Variants in PCDHA7 observed in about 807,000 individuals in gnomAD.
PCDHA7 encodes the protein protocadherin alpha-7.
In PCDHA7, 37 loss-of-function variants were observed where a neutral mutation model predicts 57.2. The ratio of observed to expected loss-of-function variants is 0.65; its 90% CI spans 0.50 to 0.85. The LOEUF (loss-of-function observed/expected upper bound fraction) is 0.85. Ranked by LOEUF, PCDHA7 falls within the 40% of genes least tolerant of loss-of-function variation. PCDHA7 has a pLI of 0.00. For synonymous variants in PCDHA7, 553 were observed against 558.8 expected, an observed-to-expected ratio of 0.99 and a Z score of 0.15; for missense variants, 1,188 against 1,241.8, an observed-to-expected ratio of 0.96 and a Z score of 0.65.
intron 1 of PCDHA7, chr5:140,927,386 C>T: frequency 6.2e-7 from 1 of 1,614,106 alleles, no homozygotes; most frequent in African/African-American, 1.3e-5. Flanking sequence ...AGCCTAAGCC[C>T]CAGTCAGCAC....
chr5:140,966,792 C>A (rs1182470326), intron 1 of PCDHA7: 3 of 1,530,564 alleles, frequency 2.0e-6, no homozygotes, highest in Admixed American at 1.9e-5. Context: ...ACCAGACCTG[C>A]GGCGACAGAG....
rs2150435821 is a variant in PCDHA7 at position 140,849,360 on chromosome 5, A to G, written c.2355+12622A>G. ...CTTCTCCAGTGATGTTTCTCCAGAT[A>G]TAAAATCCAAGTTCCACATGGACCC... On this transcript the variant is annotated intron_variant, in intron 1 of 3. Transcript: ENST00000525929. The G allele has an allele frequency of 6.8e-6, 10 of 1,467,526 alleles. No homozygotes were observed. In the African/African-American group the frequency reaches 1.1e-4, roughly 16 times the overall value. The allele number at this position is 1,467,526 out of a possible 1,614,324, so 90.9% of individuals were successfully genotyped here. A position where few individuals can be genotyped will look rare whatever the true frequency, so the allele number is the denominator to read the frequency against.
chr5:140,919,038 C>A (rs2078983263), intron 1 of PCDHA7, among the ~76,000 whole-genome samples: 1 of 152,046 alleles, frequency 6.6e-6, no homozygotes, highest in Non-Finnish European at 1.5e-5. Context: ...TAGTTGTTGT[C>A]CATTATTGGA....
chr5:140,865,532 C>T (rs1340228056), intron 1 of PCDHA7: 1 of 152,096 alleles, frequency 6.6e-6, no homozygotes, highest in Non-Finnish European at 1.5e-5. Context: ...TTCTCTTCAT[C>T]CATAGCTATA....
intron 1 of PCDHA7, chr5:140,883,321 C>T: frequency 6.2e-7 from 1 of 1,614,120 alleles, no homozygotes; most frequent in South Asian, 1.1e-5. Flanking sequence ...CAGAGGTTAC[C>T]ATCACTTCTT....
chr5:140,928,854 G>A (rs2085594573), intron 1 of PCDHA7: 1 of 1,614,178 alleles, frequency 6.2e-7, no homozygotes, highest in Non-Finnish European at 8.5e-7. Context: ...CTCTGGGTGT[G>A]CTGTTGAGCA....
At chr5:141,005,822 C>T (rs1248291613) in intron 3 of PCDHA7, among the ~76,000 whole-genome samples, 2 of 151,298 alleles carry the variant, frequency 1.3e-5, no homozygotes, top group Non-Finnish European at 2.9e-5. Context: ...GTATGGTGGC[C>T]TGTAGTCCCA....
intron 1 of PCDHA7, among the ~76,000 whole-genome samples, chr5:140,937,911 CA>C (rs200797202): frequency 0.5 from 59,181 of 117,836 alleles, 12,230 homozygotes; most frequent in African/African-American, 0.63. Flanking sequence ...GACTCCGTCT[CA>C]AAAAAAAAAA....
intron 1 of PCDHA7, among the ~76,000 whole-genome samples, chr5:140,945,540 CA>C (rs1330025999): frequency 1.3e-5 from 2 of 151,706 alleles, no homozygotes; most frequent in African/African-American, 2.4e-5. Flanking sequence ...AACATACAAA[CA>C]AAAAAATGAA....
intron 1 of PCDHA7, among the ~76,000 whole-genome samples, chr5:140,879,771 G>A (rs1413027496): frequency 6.6e-6 from 1 of 152,156 alleles, no homozygotes; most frequent in Admixed American, 6.5e-5. Flanking sequence ...GGAGGCCCCA[G>A]GGAAGAATCT....
chr5:140,911,915 G>A (rs553932242), intron 1 of PCDHA7, among the ~76,000 whole-genome samples: 3 of 152,226 alleles, frequency 2.0e-5, no homozygotes, highest in African/African-American at 7.2e-5. Flanking sequence ...CTCTCTAGAG[G>A]ACAGAACTAA....
At chr5:140,901,515 T>C (rs1323018473) in intron 1 of PCDHA7, among the ~76,000 whole-genome samples, 1 of 152,178 alleles carries the variant, frequency 6.6e-6, no homozygotes, top group Non-Finnish European at 1.5e-5. Context: ...ATTATAGATA[T>C]GTGGATTTGT....
At chr5:140,856,766 A>G in intron 1 of PCDHA7, 1 of 1,596,904 alleles carries the variant, frequency 6.3e-7, no homozygotes, top group South Asian at 1.1e-5. Flanking sequence ...TAACGCCCCT[A>G]TCTTTGACAG....
intron 1 of PCDHA7, among the ~76,000 whole-genome samples, chr5:140,844,268 C>G (rs1440274573): frequency 6.7e-6 from 1 of 149,334 alleles, no homozygotes; most frequent in Non-Finnish European, 1.5e-5. Context: ...TGATAAAATA[C>G]AGAATGATAG....
At chr5:140,981,077 G>C (rs1178580802) in intron 2 of PCDHA7, among the ~76,000 whole-genome samples, 1 of 152,168 alleles carries the variant, frequency 6.6e-6, no homozygotes, top group Non-Finnish European at 1.5e-5. Flanking sequence ...GGGAAGAATA[G>C]TAAAAGGTCA....
rs782163731 is a variant in PCDHA7, at chr5:140,869,573, C to A, written c.2355+32835C>A. 8 of 1,614,154 alleles carry A rather than the reference C, an allele frequency of 5.0e-6. No homozygotes were observed. In the East Asian group the frequency reaches 1.8e-4, roughly 36 times the overall value. ...GACTCGCGTTTTCCACTAGAGGGAG[C>A]TTCTGATGCTGACATTGAAGAGAAT... On this transcript the variant is annotated intron_variant, in intron 1 of 3. Coordinates refer to ENST00000525929, the MANE Select transcript of PCDHA7 (RefSeq NM_018910.3).
intron 1 of PCDHA7, chr5:140,928,062 C>G: frequency 6.2e-7 from 1 of 1,614,194 alleles, no homozygotes; most frequent in Non-Finnish European, 8.5e-7. Context: ...TGACGGCTTC[C>G]TTTGACAACT....
At chr5:140,867,685 T>C (rs2050105980) in intron 1 of PCDHA7, 1 of 152,116 alleles carries the variant, frequency 6.6e-6, no homozygotes, top group African/African-American at 2.4e-5. Context: ...TGTTGCATCT[T>C]CTTTTTTTCC....
At chr5:140,978,896 G>T in intron 1 of PCDHA7, 53 bp from the exon 2 acceptor site, 1 of 1,612,808 alleles carries the variant, frequency 6.2e-7, no homozygotes, top group South Asian at 1.1e-5. Context: ...CAGCATTCCT[G>T]GGAGAACATT....
Sources: allele counts gnomAD v4.1 joint callset (sites outside exome capture counted in the v4.1 genomes callset), GRCh38; gene constraint gnomAD v4.1.1; transcripts MANE v1.5; gene names NCBI Gene and HGNC (gene_info 2026-07-23, HGNC 2026-07-21).